ZHX2: variants seen among roughly 807,000 people sequenced by gnomAD.
ZHX2 encodes the protein zinc fingers and homeoboxes 2.
A neutral mutation model predicts 21.9 loss-of-function variants in ZHX2; 6 were observed. The observed-to-expected ratio is 0.27, with a 90% CI of 0.15 to 0.54. The LOEUF is 0.54. ZHX2 is among the 20% of genes least tolerant of loss of function. ZHX2 has a pLI of 0.95. For missense variants in ZHX2, 908 were observed against 1,090.7 expected, an observed-to-expected ratio of 0.83 and a Z score of 2.36; for synonymous variants, 434 against 437.1, an observed-to-expected ratio of 0.99 and a Z score of 0.09.
chr8:122,879,543 A>G (rs962477223), intron 2 of ZHX2, among the ~76,000 whole-genome samples: 1 of 150,430 alleles, frequency 6.6e-6, no homozygotes, highest in Admixed American at 6.6e-5. Flanking sequence ...TTTTTTTCAT[A>G]TAACTCAATA....
intron 2 of ZHX2, among the ~76,000 whole-genome samples, chr8:122,881,670 C>T (rs1438138315): frequency 1.3e-5 from 2 of 152,142 alleles, no homozygotes; most frequent in African/African-American, 4.8e-5. Context: ...ATGATGACAA[C>T]ATTTACGGGT....
chr8:122,825,234 A>C (rs1818239260), intron 1 of ZHX2, among the ~76,000 whole-genome samples: 1 of 152,154 alleles, frequency 6.6e-6, no homozygotes, highest in South Asian at 2.1e-4. Flanking sequence ...ATCCTCTTGC[A>C]CATGCACATT....
At chr8:122,803,009 G>A (rs547110373) in intron 1 of ZHX2, among the ~76,000 whole-genome samples, 2 of 136,084 alleles carry the variant, frequency 1.5e-5, no homozygotes, top group South Asian at 5.4e-4. Flanking sequence ...GCGGCAGCAC[G>A]AGATGTCTTT....
chr8:122,951,890 A>T lies in ZHX2; in HGVS notation c.380A>T (p.Asp127Val), dbSNP rs778179480. 6.2e-7 allele frequency: 1 copy of T among 1,614,046 alleles called. No individual in the cohort carries two copies. The highest frequency in any genetic ancestry group is 1.1e-5 in the South Asian group (1 of 91,060). ...ACCAAAAAGTACGACTCCCTATCCG[A>T]CCACAACTCCAAGTTCCATCCCGGG... ...FTTKKYDSLS[D>V]HNSKFHPGEA... Residue 127 changes from aspartate to valine, a missense_variant, in exon 3 of 4, where the codon GAC becomes GTC. This residue lies in a region of ZHX2 where 220 missense variants were observed against 251.4 expected (regional missense o/e 0.88). Coordinates refer to ENST00000314393, the MANE Select transcript of ZHX2 (RefSeq NM_014943.5).
intron 1 of ZHX2, among the ~76,000 whole-genome samples, chr8:122,786,934 T>C (rs1280152368): frequency 6.6e-6 from 1 of 152,102 alleles, no homozygotes; most frequent in Non-Finnish European, 1.5e-5. Context: ...ATTATTTCAT[T>C]TTGAACTGAA....
At chr8:122,823,980 C>G (rs1460769400) in intron 1 of ZHX2, among the ~76,000 whole-genome samples, 2 of 152,240 alleles carry the variant, frequency 1.3e-5, no homozygotes, top group Non-Finnish European at 2.9e-5. Context: ...TAATAAAACA[C>G]TGTGTCGAAT....
intron 1 of ZHX2, among the ~76,000 whole-genome samples, chr8:122,785,120 T>A (rs1275390327): frequency 6.6e-6 from 1 of 152,248 alleles, no homozygotes; most frequent in Non-Finnish European, 1.5e-5. Context: ...AGGAAAGGCA[T>A]GATTCTTCTG....
intron 2 of ZHX2, among the ~76,000 whole-genome samples, chr8:122,926,975 CA>C (rs1820875292): frequency 6.6e-6 from 1 of 152,128 alleles, no homozygotes; most frequent in African/African-American, 2.4e-5. Context: ...ATCACATCTG[CA>C]GTATAAGATA....
chr8:122,844,580 G>C (rs1375595815), intron 1 of ZHX2, among the ~76,000 whole-genome samples: 1 of 152,252 alleles, frequency 6.6e-6, no homozygotes, highest in Non-Finnish European at 1.5e-5. Flanking sequence ...GGAGGTCACA[G>C]ATGAGTGAAG....
intron 2 of ZHX2, among the ~76,000 whole-genome samples, chr8:122,917,036 C>G (rs529701373): frequency 2.0e-5 from 3 of 152,322 alleles, no homozygotes; most frequent in Admixed American, 6.5e-5. Context: ...CCCAGTCCCC[C>G]CCACCAGGCA....
In ZHX2 at chr8:122,953,638, A is replaced by G; in HGVS notation, c.2128A>G (p.Arg710Gly). Residue 710 changes from arginine to glycine, a missense_variant, in exon 3 of 4, where the codon AGG (arginine) becomes GGG (glycine). Arg to Gly is a moderately radical substitution (Grantham distance 125). Transcript: ENST00000314393. This position sits in a 1 kb window ranked among gnomAD's most constrained non-coding sequence, Gnocchi z 4.6. ...ADDHGYDAVA[R>G]KATKPMAESP... ...TGATCACGGCTACGATGCCGTAGCAAGGAAAGCAACAAAACCCATGGCCGA... is the reference window on the plus strand; with the variant it reads ...TGATCACGGCTACGATGCCGTAGCAGGGAAAGCAACAAAACCCATGGCCGA... The G allele has an allele frequency of 6.2e-7, 1 of 1,614,238 alleles. No individual in the cohort carries two copies. Among genetic ancestry groups the G allele is most frequent in the South Asian group, 1.1e-5 (1 of 91,092 alleles).
At position 122,782,951 on chromosome 8, in the gene ZHX2, T is replaced by G. The variant is rs1310392163; in HGVS notation, c.-283+1005T>G. On this transcript the variant is annotated intron_variant, in intron 1 of 3. Transcript: ENST00000314393. The surrounding 1 kb of genome is among the most constrained non-coding windows in gnomAD (Gnocchi z 5.3). Reference sequence around the variant, plus strand: ...CAAACTTGCCCTTTTCCCAGCCGCTTTGCAGGAGGCTGCGGAGACGAAGAT... The same window carrying G: ...CAAACTTGCCCTTTTCCCAGCCGCTGTGCAGGAGGCTGCGGAGACGAAGAT... Among the ~76,000 whole-genome samples, 1 of 152,248 alleles carries G rather than the reference T, an allele frequency of 6.6e-6. No homozygotes were observed. The highest frequency in any genetic ancestry group is 1.5e-5 in the Non-Finnish European group (1 of 68,028).
rs1164669772 is a variant in ZHX2, at chr8:122,853,202, T to C, written c.-282-10275T>C. ...CACACTGGTGCCATCACTAGGTGAG[T>C]TATAAAGACTCATCATCATGATACT... On this transcript the variant is annotated intron_variant, in intron 1 of 3. Transcript: ENST00000314393. 3.3e-5 allele frequency among the ~76,000 whole-genome samples: 5 copies of C among 152,078 alleles called. No homozygotes were observed. In the East Asian group the frequency reaches 9.6e-4, roughly 29 times the overall value.
chr8:122,881,885 A>G (rs1232216589), intron 2 of ZHX2, among the ~76,000 whole-genome samples: 1 of 152,134 alleles, frequency 6.6e-6, no homozygotes, highest in Non-Finnish European at 1.5e-5. Flanking sequence ...TCATTTGGAA[A>G]CCCCCATTTC....
intron 2 of ZHX2, among the ~76,000 whole-genome samples, chr8:122,894,159 G>T (rs572018326): frequency 7.9e-5 from 12 of 152,344 alleles, no homozygotes; most frequent in African/African-American, 2.6e-4. Flanking sequence ...CCTTCTGGGG[G>T]CAGGGGATGC....
intron 1 of ZHX2, among the ~76,000 whole-genome samples, chr8:122,850,219 C>T (rs1818854165): frequency 6.6e-6 from 1 of 152,194 alleles, no homozygotes; most frequent in Non-Finnish European, 1.5e-5. Flanking sequence ...GTGTCGCACC[C>T]CCCCTCAGGT....
chr8:122,797,910 G>A (rs1303153768), intron 1 of ZHX2, among the ~76,000 whole-genome samples: 1 of 152,158 alleles, frequency 6.6e-6, no homozygotes, highest in East Asian at 1.9e-4. Flanking sequence ...TTACCAGGAG[G>A]GTTCAGCGTG....
chr8:122,815,322 G>GA (rs1287056155), intron 1 of ZHX2: 1 of 151,882 alleles, frequency 6.6e-6, no homozygotes, highest in Non-Finnish European at 1.5e-5. Context: ...AAATCAGAAG[G>GA]AAAAAAGTGA....
chr8:122,947,732 C>T (rs771931543), intron 2 of ZHX2, among the ~76,000 whole-genome samples: 43 of 151,622 alleles, frequency 2.8e-4, no homozygotes, highest in Non-Finnish European at 5.9e-4. Context: ...AAAAACCAGG[C>T]GGTTCTCGGG....
Sources: allele counts gnomAD v4.1 joint callset (sites outside exome capture counted in the v4.1 genomes callset), GRCh38; gene constraint gnomAD v4.1.1; regional missense constraint gnomAD v4.1.1; non-coding constraint Gnocchi (gnomAD v3.1); transcripts MANE v1.5; gene names NCBI Gene and HGNC (gene_info 2026-07-23, HGNC 2026-07-21).